The following SIRT1 variants were observed in gnomAD, a reference collection of about 807,000 sequenced individuals.
SIRT1 encodes NAD-dependent protein deacetylase sirtuin-1.
SIRT1 carries 24 observed loss-of-function variants against 67.9 expected under a neutral mutation model. That is an observed-to-expected ratio of 0.35 (90% CI 0.26 to 0.50). The LOEUF (loss-of-function observed/expected upper bound fraction) is 0.50. Ranked by LOEUF, SIRT1 falls within the 20% of genes least tolerant of loss-of-function variation. The probability of loss-of-function intolerance (pLI) is 0.98; values close to 1 mark genes in which losing one functional copy is unlikely to be tolerated. For synonymous variants in SIRT1, 378 were observed against 350.7 expected (o/e 1.08, Z -0.87); for missense variants, 873 against 937.2 (o/e 0.93, Z 0.89).
chr10:67,886,209 G>C (rs1842478239), intron 1 of SIRT1, among the ~76,000 whole-genome samples: 1 of 151,836 alleles, frequency 6.6e-6, no homozygotes. Flanking sequence ...CCAAAGTGCT[G>C]GGATTACAGG....
At chr10:67,906,031 A>C (rs1842815900) in intron 4 of SIRT1, 4 of 723,898 alleles carry the variant, frequency 5.5e-6, no homozygotes, top group Non-Finnish European at 7.7e-6. Context: ...AGTAGAGAAT[A>C]AACTTCCTTT....
chr10:67,897,753 C>A (rs951283483), intron 4 of SIRT1, among the ~76,000 whole-genome samples: 1 of 151,828 alleles, frequency 6.6e-6, no homozygotes, highest in African/African-American at 2.4e-5. Context: ...CCACCTTGGC[C>A]TCCTAAAGTT....
chr10:67,895,598 A>G (rs902629480), intron 4 of SIRT1, among the ~76,000 whole-genome samples: 3 of 152,144 alleles, frequency 2.0e-5, no homozygotes, highest in African/African-American at 7.2e-5. Context: ...AACATTAAAA[A>G]TGAAGCCATG....
intron 4 of SIRT1, among the ~76,000 whole-genome samples, chr10:67,905,110 T>C (rs1842801525): frequency 6.6e-6 from 1 of 152,214 alleles, no homozygotes; most frequent in African/African-American, 2.4e-5. Flanking sequence ...CATGCTATTA[T>C]CACTTGCTTA....
At chr10:67,914,584 A>G (rs974809509) in intron 8 of SIRT1, among the ~76,000 whole-genome samples, 6 of 152,210 alleles carry the variant, frequency 3.9e-5, no homozygotes, top group African/African-American at 1.2e-4. Flanking sequence ...AGCGTATACA[A>G]AGTCTACCTA....
rs1377545445 is a variant in SIRT1 at position 67,909,276 on chromosome 10, G to A, written c.1191G>A (p.Arg397=). The change falls in exon 7 of 9, where the codon AGG becomes AGA. Residue 397 remains arginine, a synonymous_variant. Coordinates refer to ENST00000212015, the MANE Select transcript of SIRT1 (RefSeq NM_012238.5). ...IFNQVVPRCP[R]CPADEPLAIM... is the part of the protein sequence containing the mutation. ...TGTAGGTAGTTCCTCGATGTCCTAG[G>A]TGCCCAGCTGATGAACCGCTTGCTA... The A allele has an allele frequency of 1.9e-6, 3 of 1,607,704 alleles. No homozygotes were observed. Among genetic ancestry groups the A allele is most frequent in the Non-Finnish European group, 2.5e-6 (3 of 1,177,682 alleles).
chr10:67,911,352 G>T (rs540193666), intron 7 of SIRT1, among the ~76,000 whole-genome samples: 134 of 151,932 alleles, frequency 8.8e-4, no homozygotes, highest in Admixed American at 5.9e-4. Context: ...CACCATGCTT[G>T]GCAAATTTTT....
In SIRT1 at chr10:67,887,627, A is replaced by G. The variant is rs562569354; in HGVS notation, c.547+94A>G. 47 of 791,198 alleles carry G rather than the reference A, an allele frequency of 5.9e-5. 1 individual carries two copies. The South Asian group carries it at 6.8e-4, about 11-fold the overall frequency. The allele number at this position is 791,198 out of a possible 1,614,324, so 49.0% of individuals were successfully genotyped here. ...GTTTCGCTCTTGTTGCGGAGGCTGGAGTGCAATGGCGCGATCTCGGCTCAC... is the reference window on the plus strand; with the variant it reads ...GTTTCGCTCTTGTTGCGGAGGCTGGGGTGCAATGGCGCGATCTCGGCTCAC... On this transcript the variant is annotated intron_variant, in intron 2 of 8. Coordinates refer to ENST00000212015, the MANE Select transcript of SIRT1 (RefSeq NM_012238.5).
At position 67,889,581 on chromosome 10, in the gene SIRT1, GTGGCGACTTGACATTTTCTATTTGATC is replaced by G. The variant is rs1480235911; in HGVS notation, c.789+460_789+486del. The stretch of plus-strand genomic sequence containing the variant: ...CCATATTAATTAAGATGATGTGATT[GTGGCGACTTGACATTTTCTATTTGATC>G]TACCTTAGGGTTGCAGCTAATTAGT... On this transcript the variant is annotated intron_variant, in intron 3 of 8. Coordinates refer to ENST00000212015, the MANE Select transcript of SIRT1 (RefSeq NM_012238.5). Among the ~76,000 whole-genome samples the G allele has an allele frequency of 8.5e-5, 13 of 152,276 alleles. No individual in the cohort carries two copies. The South Asian group carries it at 2.5e-3, about 29-fold the overall frequency.
chr10:67,909,446 A>G lies in SIRT1; in HGVS notation c.1357+4A>G. The G allele has an allele frequency of 6.3e-7, 1 of 1,598,804 alleles. No homozygotes were observed. The highest frequency in any genetic ancestry group is 8.5e-7 in the Non-Finnish European group (1 of 1,175,372). On this transcript the variant is annotated splice_donor_region_variant and intron_variant, in intron 7 of 8. Coordinates refer to ENST00000212015, the MANE Select transcript of SIRT1 (RefSeq NM_012238.5). ...AGACCAGTAGCACTAATTCCAAGTA[A>G]GTTGGTGATGGTTTTTGGAGAACAT... is the stretch of plus-strand genomic sequence containing the variant.
chr10:67,916,332 T>C lies in SIRT1; in HGVS notation c.1983T>C (p.Ser661=). Residue 661 remains serine (S), a synonymous_variant, in exon 9 of 9, where the codon TCT becomes TCC. Coordinates refer to ENST00000212015, the MANE Select transcript of SIRT1 (RefSeq NM_012238.5). ...ATGGCGCTGAGGTATATTCAGACTC[T>C]GAAGATGACGTCTTATCCTCTAGTT... ...IFHGAEVYSD[S]EDDVLSSSSC... is the part of the protein sequence containing the mutation. 1.9e-6 allele frequency: 3 copies of C among 1,613,998 alleles called. No homozygotes were observed. Among genetic ancestry groups the C allele is most frequent in the Non-Finnish European group, 1.7e-6 (2 of 1,179,818 alleles).
At chr10:67,892,709 C>G (rs926934928) in intron 4 of SIRT1, among the ~76,000 whole-genome samples, 2 of 151,746 alleles carry the variant, frequency 1.3e-5, no homozygotes, top group African/African-American at 4.8e-5. Context: ...TCAAGTGATT[C>G]TCCTGCCTCA....
Position 67,912,726 on chromosome 10 carries a change from A to G in SIRT1, c.1610A>G (p.Asp537Gly). The change falls in exon 8 of 9, where the codon GAC becomes GGC. Residue 537 changes from aspartate to glycine, a missense_variant. By Grantham distance (94) the Asp-to-Gly change is moderately conservative. Around this residue, in one of 3 missense-constraint regions of SIRT1, gnomAD observed 295 missense variants for 294.5 expected, o/e 1.00. Transcript: ENST00000212015. The part of the protein sequence containing the change: ...LPPTPLHVSE[D>G]SSSPERTSPP... ...CCCACACCTCTTCATGTTTCAGAAGACTCAAGTTCACCAGAAAGAACTTCA... is the reference window on the plus strand; with the variant it reads ...CCCACACCTCTTCATGTTTCAGAAGGCTCAAGTTCACCAGAAAGAACTTCA... 6.2e-7 allele frequency: 1 copy of G among 1,614,136 alleles called. No individual in the cohort carries two copies. The highest frequency in any genetic ancestry group is 8.5e-7 in the Non-Finnish European group (1 of 1,180,028).
rs1842448221 is a variant in SIRT1, at chr10:67,884,795, C to T, written c.74C>T (p.Ala25Val). The T allele has an allele frequency of 1.6e-6, 2 of 1,224,410 alleles. No individual in the cohort carries two copies. Among genetic ancestry groups the T allele is most frequent in the African/African-American group, 3.1e-5 (2 of 63,826 alleles). The allele number at this position is 1,224,410 out of a possible 1,614,324, so 75.8% of individuals were successfully genotyped here. The change falls in exon 1 of 9, where the codon GCG becomes GTG. Residue 25 changes from alanine (A) to valine (V), a missense_variant. This residue lies in a region of SIRT1 where 327 missense variants were observed against 283.9 expected (regional missense o/e 1.15). Transcript: ENST00000212015. ...PSAAGADREAASSPAGEPLRK... is the reference protein window; with the variant it reads ...PSAAGADREAVSSPAGEPLRK... ...GCGGCGGGGGCCGACAGGGAGGCCG[C>T]GTCGTCCCCCGCCGGGGAGCCGCTC...
intron 4 of SIRT1, among the ~76,000 whole-genome samples, chr10:67,903,075 A>G (rs1460052122): frequency 2.0e-5 from 3 of 152,152 alleles, no homozygotes; most frequent in Non-Finnish European, 4.4e-5. Context: ...CCTGGGTGAC[A>G]GAGCGAGACT....
rs1262495636 is a variant in SIRT1 at position 67,904,123 on chromosome 10, G to GTTT, written c.943-2666_943-2664dup. Among the ~76,000 whole-genome samples, 70 of 115,414 alleles carry GTTT rather than the reference G, an allele frequency of 6.1e-4. 3 individuals are homozygous for GTTT. Among genetic ancestry groups the GTTT allele is most frequent in the Non-Finnish European group, 1.1e-3 (59 of 56,182 alleles). 75.7% of individuals were successfully genotyped at this position (115,414 alleles called of 152,430 possible). A position where few individuals can be genotyped will look rare whatever the true frequency, so the allele number is the denominator to read the frequency against. ...TATTTCAGATTTTTTAGTTTTTTTT[G>GTTT]TTTGTTTTTTTTTTTTTTTTTTTTA... On this transcript the variant is annotated intron_variant, in intron 4 of 8. Coordinates refer to ENST00000212015, the MANE Select transcript of SIRT1 (RefSeq NM_012238.5).
At chr10:67,892,128 A>G (rs567110751) in intron 4 of SIRT1, among the ~76,000 whole-genome samples, 60 of 151,354 alleles carry the variant, frequency 4.0e-4, no homozygotes, top group African/African-American at 1.3e-3. Flanking sequence ...TAGAAGACAT[A>G]TTGGATTTTA....
chr10:67,889,243 T>A (rs1842532093), intron 3 of SIRT1, 120 bp downstream of exon 3: 2 of 1,127,684 alleles, frequency 1.8e-6, no homozygotes, highest in Admixed American at 4.8e-5. Context: ...GTTTGGGAAC[T>A]GCCAAAAACT....
At chr10:67,902,768 TTGA>T (rs1842762865) in intron 4 of SIRT1, among the ~76,000 whole-genome samples, 1 of 152,176 alleles carries the variant, frequency 6.6e-6, no homozygotes, top group Non-Finnish European at 1.5e-5. Context: ...TCAGTAAATT[TTGA>T]TGAATTCTCT....
Sources: allele counts gnomAD v4.1 joint callset (sites outside exome capture counted in the v4.1 genomes callset), GRCh38; gene constraint gnomAD v4.1.1; regional missense constraint gnomAD v4.1.1; transcripts MANE v1.5; gene names NCBI Gene and HGNC (gene_info 2026-07-23, HGNC 2026-07-21).